The following NBPF20 variants were observed in gnomAD, a reference collection of about 807,000 sequenced individuals.
NBPF20 encodes NBPF family member NBPF20.
In NBPF20, 90 loss-of-function variants were observed where a neutral mutation model predicts 68.1. The ratio of observed to expected loss-of-function variants is 1.32; its 90% confidence interval spans 1.11 to 1.58. NBPF20 has a LOEUF of 1.58. Ranked by LOEUF, NBPF20 falls within the 40% of genes most tolerant of loss-of-function variation. NBPF20 has a pLI of 0.00. For synonymous variants in NBPF20, 290 were observed against 228.1 expected (o/e 1.27, Z -2.45); for missense variants, 816 against 601.2 (o/e 1.36, Z -3.74).
chr1:145,409,267 G>T (rs1209398869), upstream of NBPF20, among the ~76,000 whole-genome samples: 4 of 151,504 alleles, frequency 2.6e-5, no homozygotes, highest in Non-Finnish European at 5.9e-5. Flanking sequence ...TACCATGTAT[G>T]TTTGTACTTT....
At chr1:145,395,808 A>G (rs1349342833) in intron 7 of NBPF20, among the ~76,000 whole-genome samples, 1 of 148,460 alleles carries the variant, frequency 6.7e-6, no homozygotes, top group Non-Finnish European at 1.5e-5. Flanking sequence ...TAACATCAAC[A>G]TCAACAAAAA....
At chr1:145,400,530 A>T in exon 6 of NBPF20, 1 of 1,612,878 alleles carries the variant, frequency 6.2e-7, no homozygotes, top group East Asian at 2.2e-5. Context: ...CTATTTGAAT[A>T]AGTGATGGCA....
At chr1:145,424,781 G>C in the NBPF20 span, among the ~76,000 whole-genome samples, 281 of 152,226 alleles carry the variant, frequency 1.8e-3, no homozygotes, top group African/African-American at 6.4e-3. Context: ...CCAACCTACC[G>C]GAAATCCTGC....
chr1:145,422,638 A>G, the NBPF20 span, among the ~76,000 whole-genome samples: 87 of 152,234 alleles, frequency 5.7e-4, 1 homozygote, highest in East Asian at 1.5e-3. Context: ...TGCAGAAGGA[A>G]AAGAATAGTC....
At chr1:145,397,934 C>T (rs1313975635) in intron 7 of NBPF20, among the ~76,000 whole-genome samples, 6 of 152,092 alleles carry the variant, frequency 3.9e-5, no homozygotes, top group East Asian at 1.9e-4. Flanking sequence ...GGGTTGCAAT[C>T]CTAGTCTCTG....
intron 3 of NBPF20, 78 bp downstream of exon 8, chr1:145,403,138 T>G: frequency 6.4e-7 from 1 of 1,557,596 alleles, no homozygotes; most frequent in Non-Finnish European, 8.8e-7. Flanking sequence ...GCTTAGCTCT[T>G]ACGTCTCCCC....
chr1:145,403,944 G>C (rs1553666213), intron 2 of NBPF20, among the ~76,000 whole-genome samples: 3 of 149,938 alleles, frequency 2.0e-5, no homozygotes, highest in African/African-American at 7.4e-5. Flanking sequence ...AGTGTTCACT[G>C]TGTGCCAATA....
At chr1:145,366,510 C>G in intron 43 of NBPF20, among the ~76,000 whole-genome samples, 158 bp from the exon 49 acceptor site, 1 of 73,794 alleles carries the variant, frequency 1.4e-5, no homozygotes, top group Non-Finnish European at 2.6e-5. Context: ...TGGGACAGAA[C>G]AGGGCCAAAT....
intron 136 of NBPF20, among the ~76,000 whole-genome samples, chr1:145,292,740 CA>C (rs1558962762): frequency 3.0e-5 from 4 of 133,806 alleles, no homozygotes; most frequent in Non-Finnish European, 6.2e-5. Flanking sequence ...CAAGTTTGTG[CA>C]AACAGTTATG....
chr1:145,311,858 A>G (rs1206099033), intron 112 of NBPF20, among the ~76,000 whole-genome samples: 2 of 111,374 alleles, frequency 1.8e-5, no homozygotes, highest in African/African-American at 4.4e-5. Context: ...CACGGTAGCG[A>G]GGATTTTAGA....
the NBPF20 span, among the ~76,000 whole-genome samples, chr1:145,411,345 G>A: frequency 1.3e-5 from 2 of 149,492 alleles, no homozygotes; most frequent in African/African-American, 4.9e-5. Flanking sequence ...GTAGTTTTTG[G>A]TGTACTGGCC....
chr1:145,291,387 T>G (rs1400929313), exon 138 of NBPF20: 50 of 1,572,984 alleles, frequency 3.2e-5, no homozygotes, highest in Non-Finnish European at 3.9e-5. Context: ...CTGGCATGGT[T>G]TGAGAATAGG....
intron 9 of NBPF20, 138 bp from the exon 15 acceptor site, chr1:145,393,384 C>T (rs1228307734): frequency 7.0e-6 from 5 of 711,098 alleles, no homozygotes; most frequent in African/African-American, 5.3e-5. Context: ...GAAATTATTG[C>T]CTTTATGTTG....
At chr1:145,407,434 CATGTATACATGTATAT>C (rs1662843900), upstream of NBPF20, among the ~76,000 whole-genome samples, 7 of 143,074 alleles carry the variant, frequency 4.9e-5, no homozygotes, top group South Asian at 1.5e-3. Context: ...TACACGTATA[CATGTATACATGTATAT>C]ACGTGTATAC....
intron 111 of NBPF20, 42 bp from the exon 117 acceptor site, chr1:145,312,422 C>G: frequency 9.5e-5 from 4 of 42,174 alleles, no homozygotes; most frequent in Non-Finnish European, 1.4e-4. Context: ...CAGGGGGAAT[C>G]AGAAACCACA....
At chr1:145,405,219 T>C (rs782792428) in exon 2 of NBPF20, 2 of 1,611,340 alleles carry the variant, frequency 1.2e-6, no homozygotes, top group Non-Finnish European at 1.7e-6. Flanking sequence ...CGTTGATTTC[T>C]AGAATGTTCA....
intron 8 of NBPF20, 22 bp downstream of exon 13, chr1:145,394,956 A>C (rs1571363303): frequency 1.9e-6 from 3 of 1,611,984 alleles, no homozygotes; most frequent in East Asian, 4.5e-5. Context: ...GAGCTTTATC[A>C]CCTTCACAGT....
At chr1:145,419,391 G>A in the NBPF20 span, among the ~76,000 whole-genome samples, 3 of 152,162 alleles carry the variant, frequency 2.0e-5, no homozygotes, top group Non-Finnish European at 4.4e-5. Context: ...TTTCCATGGG[G>A]TACAACCCCT....
At chr1:145,421,505 GTTCA>G in the NBPF20 span, among the ~76,000 whole-genome samples, 1 of 152,142 alleles carries the variant, frequency 6.6e-6, no homozygotes, top group Non-Finnish European at 1.5e-5. Context: ...GTATTAGTAT[GTTCA>G]TTCATTCATT....
Sources: gnomAD v4.1 joint callset for allele counts (sites outside exome capture counted in the v4.1 genomes callset) on GRCh38, gnomAD v4.1.1 for gene constraint, MANE v1.5 for transcripts, NCBI Gene and HGNC (gene_info 2026-07-23, HGNC 2026-07-21) for gene names.